The following CEACAM6 variants were observed in gnomAD, a reference collection of about 807,000 sequenced individuals.
The protein encoded by CEACAM6 is cell adhesion molecule CEACAM6.
Under a neutral mutation model 32.4 loss-of-function variants are expected in CEACAM6, and 21 were observed. That is an observed-to-expected ratio of 0.65 (90% CI 0.46 to 0.93). The LOEUF is 0.93. Among genes scored for constraint, CEACAM6 ranks in the 40% least tolerant of loss-of-function variants. The pLI is 0.00. For missense variants in CEACAM6, 406 were observed against 432.2 expected (o/e 0.94, Z 0.54); for synonymous variants, 184 against 174.4 (o/e 1.06, Z -0.43).
At chr19:41,770,453 G>C (rs1555822885) in intron 5 of CEACAM6, among the ~76,000 whole-genome samples, 1 of 151,944 alleles carries the variant, frequency 6.6e-6, no homozygotes, top group African/African-American at 2.4e-5. Flanking sequence ...TGCATACATA[G>C]GGCTATACAT....
In CEACAM6 at chr19:41,766,264, C is replaced by T. The variant is rs782325446; in HGVS notation, c.*5C>T. The T allele has an allele frequency of 3.2e-6, 5 of 1,583,604 alleles. No individual in the cohort carries two copies. Among genetic ancestry groups the T allele is most frequent in the Non-Finnish European group, 4.3e-6 (5 of 1,166,552 alleles). ...GCCAGGGTGGCTCTGATATAGCAGC[C>T]CTGGTGTATTTTCGATATTTCAGGA... is the stretch of plus-strand genomic sequence containing the variant. On this transcript the variant is annotated 3_prime_UTR_variant, in exon 5 of 6. Transcript: ENST00000199764.
intron 4 of CEACAM6, 24 bp downstream of exon 4, chr19:41,762,247 G>A: frequency 2.5e-6 from 4 of 1,602,774 alleles, no homozygotes; most frequent in Non-Finnish European, 3.4e-6. Flanking sequence ...TGAAGCACTA[G>A]CATCACATTT....
At chr19:41,761,550 T>C (rs1568726191) in intron 3 of CEACAM6, 23 bp downstream of exon 3, 1 of 1,610,842 alleles carries the variant, frequency 6.2e-7, no homozygotes. Context: ...TGTTCCTCTG[T>C]GGCCCAGGCT....
chr19:41,768,140 T>C (rs1372918326), intron 5 of CEACAM6, among the ~76,000 whole-genome samples: 1 of 152,156 alleles, frequency 6.6e-6, no homozygotes, highest in African/African-American at 2.4e-5. Context: ...GAGGGGGATT[T>C]GGCAGGGTCA....
chr19:41,765,934 CA>C (rs1555822347), intron 4 of CEACAM6, among the ~76,000 whole-genome samples: 1 of 152,180 alleles, frequency 6.6e-6, no homozygotes, highest in East Asian at 1.9e-4. Flanking sequence ...GCAAAAATAG[CA>C]ATCAGACTTT....
At chr19:41,758,886 G>A (rs936266024) in intron 2 of CEACAM6, among the ~76,000 whole-genome samples, 2 of 152,120 alleles carry the variant, frequency 1.3e-5, no homozygotes, top group African/African-American at 2.4e-5. Context: ...GCTCCATCAC[G>A]AGCCAATGTC....
intron 4 of CEACAM6, among the ~76,000 whole-genome samples, chr19:41,763,222 T>C (rs1371653713): frequency 2.6e-5 from 4 of 152,058 alleles, no homozygotes; most frequent in African/African-American, 9.7e-5. Flanking sequence ...CTCTTCTTCC[T>C]CCCAAAATGA....
chr19:41,756,472 A>G (rs1555821012), intron 1 of CEACAM6, 128 bp from the exon 2 acceptor site: 5 of 1,370,878 alleles, frequency 3.6e-6, no homozygotes, highest in Non-Finnish European at 4.8e-6. Context: ...ACACACACAC[A>G]CACACACACA....
Position 41,756,681 on chromosome 19 carries a change from A to AG in CEACAM6, c.148dup (p.Glu50GlyfsTer67). On this transcript the variant is annotated frameshift_variant, in exon 2 of 6. Coordinates refer to ENST00000199764, the MANE Select transcript of CEACAM6 (RefSeq NM_002483.7). LOFTEE classifies it high-confidence loss of function. ...ACGCCGTTCAATGTCGCAGAGGGGA[A>AG]GGAGGTTCTTCTACTCGCCCACAAC... 6.2e-7 allele frequency: 1 copy of AG among 1,614,152 alleles called. No homozygotes were observed. Among genetic ancestry groups the AG allele is most frequent in the Non-Finnish European group, 8.5e-7 (1 of 1,180,028 alleles).
chr19:41,755,847 C>A, intron 1 of CEACAM6, 145 bp downstream of exon 1: 1 of 560,160 alleles, frequency 1.8e-6, no homozygotes, highest in South Asian at 2.9e-5. Flanking sequence ...GGACAGGGGT[C>A]ACAACAGGAA....
At chr19:41,764,691 G>T (rs1487309331) in intron 4 of CEACAM6, among the ~76,000 whole-genome samples, 1 of 151,896 alleles carries the variant, frequency 6.6e-6, no homozygotes, top group Non-Finnish European at 1.5e-5. Flanking sequence ...ACCAACTTTT[G>T]GTTTCATTGA....
At position 41,755,679 on chromosome 19, in the gene CEACAM6, C is replaced by T. The variant is rs1555820921; in HGVS notation, c.41C>T (p.Pro14Leu). ...GCCCCTCCCTGCAGATTGCATGTCC[C>T]CTGGAAGGAGGTCCTGCTCACAGGT... ...PSAPPCRLHV[P>L]WKEVLLTASL... The change falls in exon 1 of 6, where the codon CCC becomes CTC. Residue 14 changes from proline to leucine, a missense_variant. Coordinates refer to ENST00000199764, the MANE Select transcript of CEACAM6 (RefSeq NM_002483.7). 1 of 1,605,442 alleles carries T rather than the reference C, an allele frequency of 6.2e-7. No individual in the cohort carries two copies. The highest frequency in any genetic ancestry group is 1.7e-5 in the Admixed American group (1 of 58,108).
At chr19:41,766,338 C>G in intron 5 of CEACAM6, 39 bp downstream of exon 5, 1 of 1,079,330 alleles carries the variant, frequency 9.3e-7, no homozygotes. Context: ...TCCTGCAGGG[C>G]TGACCACCAT....
Position 41,761,243 on chromosome 19 carries a change from G to C in CEACAM6, c.425-6G>C, listed in dbSNP as rs782769519. Reference sequence around the variant, plus strand: ...CAGGGCAATCTTCTCTCTGTTTTCTGCACAGCGGAGCTGCCCAAGCCCTCC... The same window carrying C: ...CAGGGCAATCTTCTCTCTGTTTTCTCCACAGCGGAGCTGCCCAAGCCCTCC... On this transcript the variant is annotated splice_polypyrimidine_tract_variant and splice_region_variant and intron_variant, in intron 2 of 5. Transcript: ENST00000199764. 9 of 1,614,178 alleles carry C rather than the reference G, an allele frequency of 5.6e-6. No individual in the cohort carries two copies. The East Asian group carries it at 1.6e-4, about 28-fold the overall frequency.
At chr19:41,767,924 C>A (rs1305753935) in intron 5 of CEACAM6, among the ~76,000 whole-genome samples, 4 of 152,010 alleles carry the variant, frequency 2.6e-5, no homozygotes, top group Non-Finnish European at 5.9e-5. Flanking sequence ...TGATGCTAAA[C>A]CTTCTCTAAG....
chr19:41,761,632 C>T, intron 3 of CEACAM6, 105 bp downstream of exon 3: 2 of 1,548,442 alleles, frequency 1.3e-6, no homozygotes, highest in South Asian at 1.2e-5. Flanking sequence ...CAGACCCTCA[C>T]CCAGGCTGGC....
In CEACAM6 at chr19:41,766,259, G is replaced by A. The variant is rs2072955381; in HGVS notation, c.1035G>A (p.Ter345=). ...TGCTGGCCAGGGTGGCTCTGATATAGCAGCCCTGGTGTATTTTCGATATTT... is the reference window on the plus strand; with the variant it reads ...TGCTGGCCAGGGTGGCTCTGATATAACAGCCCTGGTGTATTTTCGATATTT... ...IGVLARVALI[*] Residue 345 remains the stop codon, a stop_retained_variant, in exon 5 of 6, where the codon TAG becomes TAA. Transcript: ENST00000199764. The A allele has an allele frequency of 6.3e-7, 1 of 1,590,444 alleles. No individual in the cohort carries two copies. The highest frequency in any genetic ancestry group is 1.8e-5 in the Admixed American group (1 of 55,350).
chr19:41,768,356 C>A (rs2072969047), intron 5 of CEACAM6, among the ~76,000 whole-genome samples: 1 of 152,182 alleles, frequency 6.6e-6, no homozygotes, highest in South Asian at 2.1e-4. Flanking sequence ...CTTGTACCGC[C>A]CTTAATCCAT....
Position 41,767,844 on chromosome 19 carries a change from C to A in CEACAM6, c.*40+1545C>A, listed in dbSNP as rs1453592671. Among the ~76,000 whole-genome samples the A allele has an allele frequency of 8.6e-5, 13 of 151,758 alleles. No homozygotes were observed. The East Asian group carries it at 2.3e-3, about 27-fold the overall frequency. Reference sequence around the variant, plus strand: ...AGAACTCAGTAATCTAACTGAGAAACAGAAACTAAAAGGAAAAGCCGCCTT... The same window carrying A: ...AGAACTCAGTAATCTAACTGAGAAAAAGAAACTAAAAGGAAAAGCCGCCTT... On this transcript the variant is annotated intron_variant, in intron 5 of 5. Coordinates refer to ENST00000199764, the MANE Select transcript of CEACAM6 (RefSeq NM_002483.7).
Sources: allele counts gnomAD v4.1 joint callset (sites outside exome capture counted in the v4.1 genomes callset), GRCh38; gene constraint gnomAD v4.1.1; transcripts MANE v1.5; gene names NCBI Gene and HGNC (gene_info 2026-07-23, HGNC 2026-07-21).